THSD7A: variants seen among roughly 807,000 people sequenced by gnomAD.
The protein encoded by THSD7A is thrombospondin type 1 domain containing 7A.
THSD7A carries 96 observed loss-of-function variants against 231.3 expected under a neutral mutation model. The ratio of observed to expected loss-of-function variants is 0.41; its 90% confidence interval spans 0.35 to 0.49. THSD7A has a LOEUF of 0.49. THSD7A is among the 20% of genes least tolerant of loss of function. The pLI is 0.05. For synonymous variants in THSD7A, 940 were observed against 743.3 expected (o/e 1.26, Z -4.30); for missense variants, 2,290 against 2,070.2 (o/e 1.11, Z -2.06).
At chr7:11,690,294 G>T (rs1338566179) in intron 1 of THSD7A, among the ~76,000 whole-genome samples, 1 of 151,696 alleles carries the variant, frequency 6.6e-6, no homozygotes, top group East Asian at 2.0e-4. Context: ...AATTTGTATG[G>T]TAGATTGATA....
At chr7:11,654,152 A>G (rs111913717) in intron 1 of THSD7A, among the ~76,000 whole-genome samples, 99 of 152,026 alleles carry the variant, frequency 6.5e-4, no homozygotes, top group African/African-American at 2.3e-3. Context: ...TGGGACCTTG[A>G]TAATTAAATA....
intron 4 of THSD7A, among the ~76,000 whole-genome samples, chr7:11,553,529 T>G (rs921948125): frequency 6.6e-6 from 1 of 152,106 alleles, no homozygotes; most frequent in African/African-American, 2.4e-5. Context: ...TTCTTACTCT[T>G]GTATAATTTA....
chr7:11,755,910 G>A (rs1437032426), intron 1 of THSD7A, among the ~76,000 whole-genome samples: 1 of 152,066 alleles, frequency 6.6e-6, no homozygotes, highest in East Asian at 1.9e-4. Flanking sequence ...TTAGAGAAAG[G>A]CAAGGAAAAA....
At position 11,636,261 on chromosome 7, in the gene THSD7A, G is replaced by T. The variant is rs375820480; in HGVS notation, c.891C>A (p.Arg297=). ...TGTTTCTCTTTTTCTTAATAAGCTCGCGGGCTTCTGGATCCTTTACTCCTT... is the reference window on the plus strand; with the variant it reads ...TGTTTCTCTTTTTCTTAATAAGCTCTCGGGCTTCTGGATCCTTTACTCCTT... ...RSKGVKDPEA[R]ELIKKKRNRN... is the part of the protein sequence containing the mutation. Residue 297 remains arginine, a synonymous_variant, in exon 2 of 28, where the codon CGC becomes CGA. Transcript: ENST00000423059. This position sits in a 1 kb window ranked among gnomAD's most constrained non-coding sequence, Gnocchi z 10.0. The T allele has an allele frequency of 1.2e-6, 2 of 1,613,854 alleles. No individual in the cohort carries two copies. The highest frequency in any genetic ancestry group is 4.5e-5 in the East Asian group (2 of 44,874).
At chr7:11,550,417 T>A (rs751021192) in intron 4 of THSD7A, among the ~76,000 whole-genome samples, 1 of 152,132 alleles carries the variant, frequency 6.6e-6, no homozygotes, top group African/African-American at 2.4e-5. Flanking sequence ...AAATCTCATC[T>A]CAAATTGTAA....
At chr7:11,745,925 C>T (rs1451352600) in intron 1 of THSD7A, among the ~76,000 whole-genome samples, 1 of 152,022 alleles carries the variant, frequency 6.6e-6, no homozygotes, top group African/African-American at 2.4e-5. Context: ...CTTGGCAATG[C>T]AGGCTCTTTT....
intron 6 of THSD7A, among the ~76,000 whole-genome samples, chr7:11,490,897 A>G (rs1786864039): frequency 6.6e-6 from 1 of 152,080 alleles, no homozygotes; most frequent in Non-Finnish European, 1.5e-5. Flanking sequence ...ATATTAACTG[A>G]GAAAAATTTT....
chr7:11,607,098 G>A (rs562497498), intron 2 of THSD7A, among the ~76,000 whole-genome samples: 48 of 152,106 alleles, frequency 3.2e-4, no homozygotes, highest in African/African-American at 8.4e-4. Flanking sequence ...GCCATCAGCC[G>A]ATTGACAGGT....
At chr7:11,752,083 C>T (rs1201233993) in intron 1 of THSD7A, among the ~76,000 whole-genome samples, 3 of 152,102 alleles carry the variant, frequency 2.0e-5, no homozygotes, top group Non-Finnish European at 2.9e-5. Flanking sequence ...GTTTAAACTA[C>T]AATTCAGACA....
chr7:11,496,992 T>G (rs1454591148), intron 6 of THSD7A, among the ~76,000 whole-genome samples: 1 of 152,120 alleles, frequency 6.6e-6, no homozygotes, highest in East Asian at 1.9e-4. Context: ...CACATTACTA[T>G]AAGGAGATAC....
At chr7:11,509,472 A>G (rs1019189472) in intron 6 of THSD7A, among the ~76,000 whole-genome samples, 1 of 152,132 alleles carries the variant, frequency 6.6e-6, no homozygotes, top group Non-Finnish European at 1.5e-5. Context: ...TGCTTTTTCT[A>G]TGTATGTAAA....
At chr7:11,395,683 A>G (rs1055015247) in intron 23 of THSD7A, among the ~76,000 whole-genome samples, 2 of 151,998 alleles carry the variant, frequency 1.3e-5, no homozygotes, top group Non-Finnish European at 2.9e-5. Flanking sequence ...ACCCGCCACC[A>G]TGTCCAGCTG....
At chr7:11,506,537 C>T (rs1187164680) in intron 6 of THSD7A, among the ~76,000 whole-genome samples, 1 of 152,160 alleles carries the variant, frequency 6.6e-6, no homozygotes, top group Non-Finnish European at 1.5e-5. Context: ...GTTCAGATCA[C>T]AACATTCTCT....
intron 1 of THSD7A, among the ~76,000 whole-genome samples, chr7:11,810,838 T>A (rs143314891): frequency 1.3e-5 from 2 of 152,296 alleles, no homozygotes; most frequent in African/African-American, 4.8e-5. Context: ...TTTTCAAATG[T>A]AGAAAACCAT....
At chr7:11,512,963 A>AT (rs1185122230) in intron 6 of THSD7A, among the ~76,000 whole-genome samples, 12 of 141,434 alleles carry the variant, frequency 8.5e-5, no homozygotes, top group South Asian at 2.2e-4. Context: ...ATATATATGT[A>AT]AAATACTACT....
Position 11,763,801 on chromosome 7 carries a change from GCT to G in THSD7A, c.190+67954_190+67955del, listed in dbSNP as rs200527006. Among the ~76,000 whole-genome samples the G allele has an allele frequency of 1.9e-3, 295 of 152,116 alleles. 2 individuals carry two copies. In the East Asian group the frequency reaches 0.022, roughly 11 times the overall value. On this transcript the variant is annotated intron_variant, in intron 1 of 27. Transcript: ENST00000423059. ...GATTCCTGCTCTAGCTTTTCTCAAA[GCT>G]CTTATTTATTGCTCATTTCCTCAGG... is the stretch of plus-strand genomic sequence containing the variant.
chr7:11,798,891 T>C (rs1464199740), intron 1 of THSD7A, among the ~76,000 whole-genome samples: 2 of 151,850 alleles, frequency 1.3e-5, no homozygotes, highest in African/African-American at 2.4e-5. Context: ...ATTTAGTATA[T>C]GTATTTTGGT....
chr7:11,571,773 G>C (rs78), intron 4 of THSD7A, among the ~76,000 whole-genome samples: 1 of 151,672 alleles, frequency 6.6e-6, no homozygotes, highest in Non-Finnish European at 1.5e-5. Flanking sequence ...ACCCTCGTTC[G>C]TTATCTTTAT....
intron 2 of THSD7A, among the ~76,000 whole-genome samples, chr7:11,597,981 G>T (rs1251365951): frequency 2.0e-5 from 3 of 152,178 alleles, no homozygotes; most frequent in South Asian, 4.1e-4. Flanking sequence ...CTAGGGTCTG[G>T]TTCAAAGATG....
Sources: gnomAD v4.1 joint callset for allele counts (sites outside exome capture counted in the v4.1 genomes callset) on GRCh38, gnomAD v4.1.1 for gene constraint, Gnocchi (gnomAD v3.1) non-coding constraint, MANE v1.5 for transcripts, NCBI Gene and HGNC (gene_info 2026-07-23, HGNC 2026-07-21) for gene names.